Variants in TTN observed in about 807,000 individuals in gnomAD.
TTN encodes connectin.
TTN carries 1,525 observed loss-of-function variants against 3,223.0 expected under a neutral mutation model. The observed-to-expected ratio is 0.47, with a 90% CI of 0.45 to 0.49. The LOEUF (loss-of-function observed/expected upper bound fraction) is 0.49, where lower values mean the gene tolerates loss of function less well. Among genes scored for constraint, TTN ranks in the 20% least tolerant of loss-of-function variants. The pLI is 0.00. For synonymous variants in TTN, 14,094 were observed against 15,161.0 expected (o/e 0.93, Z 5.17); for missense variants, 40,786 against 43,424.0 (o/e 0.94, Z 5.40).
Position 178,764,674 on chromosome 2 carries a change from T to C in TTN, c.9841A>G (p.Thr3281Ala). 2 of 1,614,138 alleles carry C rather than the reference T, an allele frequency of 1.2e-6. No individual in the cohort carries two copies. The highest frequency in any genetic ancestry group is 1.7e-6 in the Non-Finnish European group (2 of 1,180,008). The stretch of plus-strand genomic sequence containing the variant: ...TGAAGAAATTTGCACTTGAAGCCAG[T>C]GGAAAGCAGCTGCTCTTCCTTGTAC... ...SWYKEEQLLSTGFKCKFLHDG... is the reference protein window; with the variant it reads ...SWYKEEQLLSAGFKCKFLHDG... Residue 3281 changes from threonine to alanine, a missense_variant, in exon 42 of 363, where the codon ACT becomes GCT. By Grantham distance (58) the Thr-to-Ala change is moderately conservative. Coordinates refer to ENST00000589042, the MANE Select transcript of TTN (RefSeq NM_001267550.2).
At chr2:178,609,033 T>C in intron 273 of TTN, 125 bp from the exon 274 acceptor site, 1 of 1,325,132 alleles carries the variant, frequency 7.5e-7, no homozygotes, top group South Asian at 1.5e-5. Flanking sequence ...TTGTATTCCA[T>C]TAGCTAATAA....
chr2:178,734,157 G>C (rs531129822), intron 52 of TTN, among the ~76,000 whole-genome samples, 171 bp downstream of exon 52: 77 of 151,384 alleles, frequency 5.1e-4, no homozygotes, highest in Middle Eastern at 3.4e-3. Context: ...CTAGTCTCGG[G>C]AAAAAGACCA....
At position 178,652,491 on chromosome 2, in the gene TTN, G is replaced by C. The variant is rs1019648857; in HGVS notation, c.39094C>G (p.Pro13032Ala). ...GGTGTGACTTCAGGCTTTTTAGGAG[G>C]AGCCGCTGGCACTTTCTTTTCAGGA... ...VVPEKKVPAA[P>A]PKKPEVTPVK... is the part of the protein sequence containing the mutation. Residue 13032 changes from proline to alanine, a missense_variant, in exon 202 of 363, where the codon CCT becomes GCT. Physicochemically the swap from Pro to Ala is conservative, Grantham distance 27. Transcript: ENST00000589042. 2.5e-6 allele frequency: 4 copies of C among 1,613,518 alleles called. No individual in the cohort carries two copies. The highest frequency in any genetic ancestry group is 2.7e-5 in the African/African-American group (2 of 74,908).
Position 178,749,945 on chromosome 2 carries a change from T to C in TTN, c.11311+3179A>G, listed in dbSNP as rs369713134. ...CATTTTTGGTGGTTCATTAGTAATATCAGACAAAAATACAAATCTGTGTTT... is the reference window on the plus strand; with the variant it reads ...CATTTTTGGTGGTTCATTAGTAATACCAGACAAAAATACAAATCTGTGTTT... On this transcript the variant is annotated intron_variant, in intron 47 of 362. Transcript: ENST00000589042. The C allele has an allele frequency of 5.6e-6, 9 of 1,613,216 alleles. No homozygotes were observed. In the African/African-American group the frequency reaches 1.2e-4, roughly 22 times the overall value.
intron 256 of TTN, 30 bp downstream of exon 256, chr2:178,616,699 A>C: frequency 6.2e-7 from 1 of 1,611,934 alleles, no homozygotes; most frequent in Non-Finnish European, 8.5e-7. Context: ...CTGCCAAATC[A>C]CCTTAGATGA....
chr2:178,693,754 A>C (rs1031309005), intron 118 of TTN, 65 bp from the exon 119 acceptor site: 11 of 1,336,552 alleles, frequency 8.2e-6, no homozygotes, highest in Non-Finnish European at 1.1e-5. Flanking sequence ...TAATTTACAA[A>C]GAACATTAAA....
rs772035843 is a variant in TTN at position 178,537,512 on chromosome 2, T to C, written c.99695A>G (p.His33232Arg). The C allele has an allele frequency of 4.3e-6, 7 of 1,613,644 alleles. No individual in the cohort carries two copies. In the Admixed American group the frequency reaches 1.0e-4, roughly 23 times the overall value. The change falls in exon 355 of 363, where the codon CAT (histidine) becomes CGT (arginine). Residue 33232 changes from histidine to arginine, a missense_variant. Transcript: ENST00000589042. Reference sequence around the variant, plus strand: ...TGAGTTTTGCAAAAGTTTCTGACCATGGAACCAAGTCATGGCAGGTACTGG... The same window carrying C: ...TGAGTTTTGCAAAAGTTTCTGACCACGGAACCAAGTCATGGCAGGTACTGG... ...GRPVPAMTWF[H>R]GQKLLQNSEN...
Position 178,563,611 on chromosome 2 carries a change from T to G in TTN, c.82521A>C (p.Glu27507Asp). ...ATCTAACGCCTTCCTTATCTCGTTT[T>G]TCAAGAATGTAGCCCTCAATTTCGG... ...GGTEIEGYIL[E>D]KRDKEGVRWT... The change falls in exon 326 of 363, where the codon GAA becomes GAC. Residue 27507 changes from glutamate (E) to aspartate (D), a missense_variant. Coordinates refer to ENST00000589042, the MANE Select transcript of TTN (RefSeq NM_001267550.2). The surrounding 1 kb of genome is among the most constrained non-coding windows in gnomAD (Gnocchi z 4.5). 1.2e-6 allele frequency: 2 copies of G among 1,613,778 alleles called. No homozygotes were observed. Among genetic ancestry groups the G allele is most frequent in the Non-Finnish European group, 1.7e-6 (2 of 1,179,762 alleles).
chr2:178,711,995 C>T lies in TTN; in HGVS notation c.27835G>A (p.Ala9279Thr). 1.2e-6 allele frequency: 2 copies of T among 1,612,510 alleles called. No homozygotes were observed. Among genetic ancestry groups the T allele is most frequent in the Non-Finnish European group, 1.7e-6 (2 of 1,178,916 alleles). Residue 9279 changes from alanine to threonine, a missense_variant, in exon 96 of 363, where the codon GCT becomes ACT. Ala to Thr is a moderately conservative substitution (Grantham distance 58). Coordinates refer to ENST00000589042, the MANE Select transcript of TTN (RefSeq NM_001267550.2). ...GAAACTTCTCCCACGCTGTTTTCAG[C>T]TTTGCAGATATATTCTCCACTATCA... ...INDSGEYICK[A>T]ENSVGEVSAS...
chr2:178,559,830 C>A lies in TTN; in HGVS notation c.86302G>T (p.Ala28768Ser), dbSNP rs768347250. ...ACAGTCATGGTAAATGAGGCACCAG[C>A]CTTGACAATCAAGGTCTTCCTCATT... ...SEMRKTLIVK[A>S]GASFTMTVPF... The change falls in exon 326 of 363, where the codon GCT (alanine) becomes TCT (serine). Residue 28768 changes from alanine to serine, a missense_variant. Ala to Ser is a moderately conservative substitution (Grantham distance 99, BLOSUM62 1). Coordinates refer to ENST00000589042, the MANE Select transcript of TTN (RefSeq NM_001267550.2). 1.2e-6 allele frequency: 2 copies of A among 1,610,682 alleles called. No homozygotes were observed. The highest frequency in any genetic ancestry group is 1.7e-6 in the Non-Finnish European group (2 of 1,179,620).
chr2:178,559,243 A>G (rs1702698578), intron 326 of TTN, 68 bp downstream of exon 326: 1 of 1,386,198 alleles, frequency 7.2e-7, no homozygotes, highest in African/African-American at 1.4e-5. Context: ...ACGACTAATT[A>G]GAATGACTCA....
At chr2:178,559,004 C>A in intron 326 of TTN, 2 of 296,844 alleles carry the variant, frequency 6.7e-6, no homozygotes, top group East Asian at 1.6e-4. Context: ...TACACACATA[C>A]TATATATATA....
chr2:178,689,645 G>A (rs1421063352), intron 122 of TTN, 50 bp from the exon 123 acceptor site: 1 of 1,527,326 alleles, frequency 6.5e-7, no homozygotes, highest in South Asian at 1.2e-5. Context: ...AAGTAGCTAT[G>A]CACAGTTATT....
At position 178,619,840 on chromosome 2, in the gene TTN, G is replaced by A. The variant is rs1173523537; in HGVS notation, c.46477C>T (p.Pro15493Ser). ...IRPPQDILEA[P>S]GADVVFLAEL... ...GCTAAAAAGACAACATCAGCACCAG[G>A]GGCTTCAAGAATATCTTGTGGAGGC... is the stretch of plus-strand genomic sequence containing the variant. The change falls in exon 250 of 363, where the codon CCT (proline) becomes TCT (serine). Residue 15493 changes from proline to serine, a missense_variant. Transcript: ENST00000589042. The A allele has an allele frequency of 6.2e-7, 1 of 1,611,932 alleles. No homozygotes were observed. The highest frequency in any genetic ancestry group is 1.7e-5 in the Admixed American group (1 of 59,828).
rs1181765627 is a variant in TTN, at chr2:178,706,542, C to T, written c.29332G>A (p.Gly9778Ser). 6.2e-6 allele frequency: 10 copies of T among 1,613,788 alleles called. No homozygotes were observed. The highest frequency in any genetic ancestry group is 7.6e-6 in the Non-Finnish European group (9 of 1,179,802). The change falls in exon 102 of 363, where the codon GGT becomes AGT. Residue 9778 changes from glycine to serine, a missense_variant. Physicochemically the swap from Gly to Ser is moderately conservative, Grantham distance 56. Transcript: ENST00000589042. The part of the protein sequence containing the change: ...LYRCVAFNEH[G>S]EIESNVNLQV... ...AAGTTAACATTACTTTCAATTTCACCATGTTCGTTAAATGCCACGCATCGG... is the reference window on the plus strand; with the variant it reads ...AAGTTAACATTACTTTCAATTTCACTATGTTCGTTAAATGCCACGCATCGG...
rs780124773 is a variant in TTN, at chr2:178,546,289, C to T, written c.95042G>A (p.Ser31681Asn). 17 of 1,613,748 alleles carry T rather than the reference C, an allele frequency of 1.1e-5. No individual in the cohort carries two copies. The highest frequency in any genetic ancestry group is 1.4e-5 in the Non-Finnish European group (17 of 1,179,776). ...TGTTAAAGTGTATTTTCCACTGTCA[C>T]TTCTGTCACAGAACTTGATCACAGC... ...ATAVIKFCDR[S>N]DSGKYTLTVK... Residue 31681 changes from serine to asparagine, a missense_variant, in exon 342 of 363, where the codon AGT becomes AAT. By Grantham distance (46) the Ser-to-Asn change is conservative. Transcript: ENST00000589042.
At chr2:178,711,907 A>G in intron 96 of TTN, 37 bp downstream of exon 96, 1 of 1,525,278 alleles carries the variant, frequency 6.6e-7, no homozygotes, top group Non-Finnish European at 8.8e-7. Flanking sequence ...GTTCAAAAGA[A>G]ACACAAATTC....
Position 178,528,654 on chromosome 2 carries a change from T to G in TTN, c.107097A>C (p.Ser35699=), listed in dbSNP as rs771821464. 15 of 1,612,992 alleles carry G rather than the reference T, an allele frequency of 9.3e-6. No individual in the cohort carries two copies. In the Admixed American group the frequency reaches 2.3e-4, roughly 25 times the overall value. Reference sequence around the variant, plus strand: ...GCTGTGAGATGAAGGCTGGAGCATCTGAGAGTTCTTTGCTCAGTGTCAAAT... The same window carrying G: ...GCTGTGAGATGAAGGCTGGAGCATCGGAGAGTTCTTTGCTCAGTGTCAAAT... ...QYDLTLSKEL[S]DAPAFISQPR... is the part of the protein sequence containing the mutation. Residue 35699 remains serine (S), a synonymous_variant, in exon 360 of 363, where the codon TCA becomes TCC. Transcript: ENST00000589042.
In TTN at chr2:178,536,140, A is replaced by G; in HGVS notation, c.100607T>C (p.Ile33536Thr). 1 of 1,613,598 alleles carries G rather than the reference A, an allele frequency of 6.2e-7. No individual in the cohort carries two copies. Among genetic ancestry groups the G allele is most frequent in the Non-Finnish European group, 8.5e-7 (1 of 1,179,714 alleles). The change falls in exon 357 of 363, where the codon ATC (isoleucine) becomes ACC (threonine). Residue 33536 changes from isoleucine to threonine, a missense_variant. Physicochemically the swap from Ile to Thr is moderately conservative, Grantham distance 89. Transcript: ENST00000589042. ...CCTATATTTTAATCCATCTGCAATG[A>G]TTTCTTTGCCTTGTCTGTACCATTT... ...IVKWYRQGKEIIADGLKYRIQ... is the reference protein window; with the variant it reads ...IVKWYRQGKETIADGLKYRIQ...
Sources: allele counts gnomAD v4.1 joint callset (sites outside exome capture counted in the v4.1 genomes callset), GRCh38; gene constraint gnomAD v4.1.1; non-coding constraint Gnocchi (gnomAD v3.1); transcripts MANE v1.5; gene names NCBI Gene and HGNC (gene_info 2026-07-23, HGNC 2026-07-21).